SPON1: variants seen among roughly 807,000 people sequenced by gnomAD.
SPON1 encodes the protein spondin-1.
SPON1 carries 52 observed loss-of-function variants against 111.7 expected under a neutral mutation model. The ratio of observed to expected loss-of-function variants is 0.47; its 90% CI spans 0.37 to 0.59. SPON1 has a LOEUF of 0.59. Among genes scored for constraint, SPON1 ranks in the 20% least tolerant of loss-of-function variants. SPON1 has a pLI of 0.00. For missense variants in SPON1, 957 were observed against 1,068.5 expected, an observed-to-expected ratio of 0.90 and a Z score of 1.46; for synonymous variants, 410 against 395.8, an observed-to-expected ratio of 1.04 and a Z score of -0.43.
chr11:14,090,100 G>A (rs1849037525), intron 5 of SPON1, among the ~76,000 whole-genome samples: 1 of 151,860 alleles, frequency 6.6e-6, no homozygotes, highest in Admixed American at 6.6e-5. Flanking sequence ...GAATGGGACC[G>A]GCTGAGCAAG....
intron 6 of SPON1, among the ~76,000 whole-genome samples, chr11:14,218,055 T>C (rs920424796): frequency 6.6e-6 from 1 of 152,228 alleles, no homozygotes; most frequent in African/African-American, 2.4e-5. Context: ...CAAACCACTG[T>C]TCTGAGTGTC....
At chr11:14,096,630 A>C (rs1378807871) in intron 5 of SPON1, among the ~76,000 whole-genome samples, 3 of 151,892 alleles carry the variant, frequency 2.0e-5, no homozygotes, top group Non-Finnish European at 4.4e-5. Flanking sequence ...CTGCCCAGCC[A>C]CCCTGTCTTC....
intron 3 of SPON1, among the ~76,000 whole-genome samples, chr11:14,043,131 C>G (rs1326531232): frequency 6.6e-6 from 1 of 152,108 alleles, no homozygotes; most frequent in African/African-American, 2.4e-5. Context: ...ACAAAGACCC[C>G]TGAAATGAGA....
intron 6 of SPON1, among the ~76,000 whole-genome samples, chr11:14,190,254 G>A (rs1285683341): frequency 2.0e-5 from 3 of 152,176 alleles, no homozygotes; most frequent in Admixed American, 1.3e-4. Context: ...CTGAAAGCAG[G>A]TCTTTCACTG....
intron 6 of SPON1, among the ~76,000 whole-genome samples, chr11:14,150,684 G>A (rs1427733770): frequency 2.0e-5 from 3 of 152,038 alleles, no homozygotes; most frequent in Non-Finnish European, 4.4e-5. Flanking sequence ...AATAGAAAAT[G>A]TCTCATTAAT....
intron 5 of SPON1, among the ~76,000 whole-genome samples, chr11:14,097,315 T>C (rs1449467277): frequency 1.3e-5 from 2 of 152,248 alleles, no homozygotes; most frequent in African/African-American, 4.8e-5. Context: ...GGTTTAAAAA[T>C]ATATGCAATT....
At chr11:14,025,595 T>A (rs1199888457) in intron 2 of SPON1, among the ~76,000 whole-genome samples, 2 of 152,098 alleles carry the variant, frequency 1.3e-5, no homozygotes, top group East Asian at 3.9e-4. Context: ...TCACAAACCT[T>A]CCAGGTGGTT....
chr11:14,147,147 A>C (rs1394815302), intron 6 of SPON1, among the ~76,000 whole-genome samples: 5 of 144,880 alleles, frequency 3.5e-5, no homozygotes, highest in African/African-American at 1.3e-4. Flanking sequence ...CTCCTGTCTC[A>C]GCCTCCTGAG....
At chr11:14,113,280 C>A (rs930235680) in intron 5 of SPON1, among the ~76,000 whole-genome samples, 3 of 152,224 alleles carry the variant, frequency 2.0e-5, no homozygotes, top group Non-Finnish European at 4.4e-5. Context: ...TTCCATTTCA[C>A]CAGAGCTCCA....
chr11:14,125,245 A>G (rs1323046051), intron 5 of SPON1, among the ~76,000 whole-genome samples: 1 of 152,220 alleles, frequency 6.6e-6, no homozygotes, highest in Non-Finnish European at 1.5e-5. Flanking sequence ...TGAAAATAAC[A>G]AGGGCAAGAG....
chr11:14,076,932 C>A (rs1289676995), intron 4 of SPON1, among the ~76,000 whole-genome samples: 1 of 152,064 alleles, frequency 6.6e-6, no homozygotes, highest in African/African-American at 2.4e-5. Context: ...TGTTCAACTG[C>A]CTGCAAGTTC....
intron 2 of SPON1, among the ~76,000 whole-genome samples, chr11:14,031,112 A>G (rs1218811637): frequency 1.3e-5 from 2 of 152,234 alleles, no homozygotes; most frequent in Non-Finnish European, 2.9e-5. Flanking sequence ...CAGAAAACCA[A>G]TACCACATGT....
chr11:14,211,283 C>A (rs551920777), intron 6 of SPON1, among the ~76,000 whole-genome samples: 3 of 152,168 alleles, frequency 2.0e-5, no homozygotes, highest in African/African-American at 7.2e-5. Context: ...TCAGCAAAGT[C>A]TCAGGATACA....
chr11:14,063,979 C>T (rs570091012), intron 3 of SPON1, among the ~76,000 whole-genome samples: 3 of 152,320 alleles, frequency 2.0e-5, no homozygotes, highest in East Asian at 3.9e-4. Flanking sequence ...GGTGGCACTG[C>T]TAATACAGAG....
intron 6 of SPON1, among the ~76,000 whole-genome samples, chr11:14,167,432 A>G (rs1848042902): frequency 6.6e-6 from 1 of 152,118 alleles, no homozygotes; most frequent in Admixed American, 6.6e-5. Context: ...TAGCCAATAA[A>G]GATAGCATGA....
intron 1 of SPON1, among the ~76,000 whole-genome samples, chr11:13,966,662 G>A (rs968657675): frequency 1.2e-4 from 18 of 152,192 alleles, no homozygotes; most frequent in Non-Finnish European, 5.9e-5. Context: ...AAGCTGCATG[G>A]TTTTTCCTTT....
In SPON1 at chr11:14,072,065, A is replaced by G. The variant is rs1031647177; in HGVS notation, c.480-3280A>G. 3.4e-4 allele frequency among the ~76,000 whole-genome samples: 51 copies of G among 152,204 alleles called. 1 individual carries two copies. Among genetic ancestry groups the G allele is most frequent in the Non-Finnish European group, 6.8e-4 (46 of 68,038 alleles). ...TTATAGAGGTATTAGTGGTATATGT[A>G]CAATCTTAACTTTCTGATATCTAAA... On this transcript the variant is annotated intron_variant, in intron 3 of 15. Transcript: ENST00000576479.
intron 6 of SPON1, among the ~76,000 whole-genome samples, chr11:14,141,448 A>G (rs1027082908): frequency 6.6e-6 from 1 of 152,196 alleles, no homozygotes; most frequent in Non-Finnish European, 1.5e-5. Context: ...AATCCATTAG[A>G]AAAATCATTC....
At chr11:14,113,624 A>T (rs1381343508) in intron 5 of SPON1, among the ~76,000 whole-genome samples, 1 of 75,516 alleles carries the variant, frequency 1.3e-5, no homozygotes, top group African/African-American at 4.5e-5. Context: ...TTTTTTTGAG[A>T]CGGAGTCTCG....
Sources: allele counts gnomAD v4.1 joint callset (sites outside exome capture counted in the v4.1 genomes callset), GRCh38; gene constraint gnomAD v4.1.1; transcripts MANE v1.5; gene names NCBI Gene and HGNC (gene_info 2026-07-23, HGNC 2026-07-21).